DOCK4: variants seen among roughly 807,000 people sequenced by gnomAD.
DOCK4 encodes the protein dedicator of cytokinesis 4, also known as dedicator of cytokinesis protein 4.
Under a neutral mutation model 268.1 loss-of-function variants are expected in DOCK4, and 97 were observed. The observed-to-expected ratio is 0.36, with a 90% confidence interval of 0.31 to 0.43. The LOEUF is 0.43. Among genes scored for constraint, DOCK4 ranks in the 20% least tolerant of loss-of-function variants. The pLI is 1.00. For missense variants in DOCK4, 2,145 were observed against 2,455.7 expected, an observed-to-expected ratio of 0.87 and a Z score of 2.67; for synonymous variants, 954 against 887.2, an observed-to-expected ratio of 1.08 and a Z score of -1.34.
At chr7:112,006,248 A>G (rs1246542144) in intron 1 of DOCK4, among the ~76,000 whole-genome samples, 1 of 152,184 alleles carries the variant, frequency 6.6e-6, no homozygotes, top group African/African-American at 2.4e-5. Flanking sequence ...TGAGTGAACA[A>G]GGGTGTGGCT....
At chr7:111,909,818 G>A (rs2134478157) in intron 13 of DOCK4, among the ~76,000 whole-genome samples, 1 of 152,068 alleles carries the variant, frequency 6.6e-6, no homozygotes, top group Non-Finnish European at 1.5e-5. Context: ...AAAATTAGCT[G>A]GGTGTGGTGA....
chr7:111,781,899 C>G (rs1235919666), intron 35 of DOCK4, among the ~76,000 whole-genome samples: 1 of 152,052 alleles, frequency 6.6e-6, no homozygotes, highest in Non-Finnish European at 1.5e-5. Flanking sequence ...AAATAGAGAA[C>G]TATATGGCAT....
chr7:112,066,690 C>CATATATATATATAT (rs751631282), intron 1 of DOCK4, among the ~76,000 whole-genome samples: 9 of 20,958 alleles, frequency 4.3e-4, no homozygotes, highest in East Asian at 1.8e-3. Flanking sequence ...TATACATATA[C>CATATATATATATAT]ATATATATAT....
At position 111,844,798 on chromosome 7, in the gene DOCK4, T is replaced by C; in HGVS notation, c.2701A>G (p.Ser901Gly). ...LEITSRPQPS[S>G]SAMRFQFQDV... ...TGGAACTGGAACCGCATTGCTGAGC[T>C]GGATGGCTGAGGTCGGCTGGTGATC... The change falls in exon 25 of 53, where the codon AGC (serine) becomes GGC (glycine). Residue 901 changes from serine to glycine, a missense_variant. This residue lies in a region of DOCK4 where 1,598 missense variants were observed against 1,986.7 expected (regional missense o/e 0.80). Transcript: ENST00000428084. 3 of 1,613,750 alleles carry C rather than the reference T, an allele frequency of 1.9e-6. No homozygotes were observed. The highest frequency in any genetic ancestry group is 2.5e-6 in the Non-Finnish European group (3 of 1,179,762).
At chr7:112,061,488 A>G (rs1286021136) in intron 1 of DOCK4, among the ~76,000 whole-genome samples, 1 of 152,072 alleles carries the variant, frequency 6.6e-6, no homozygotes. Context: ...GCCTTCCTTC[A>G]CCGACCTTGG....
chr7:112,066,439 T>C (rs1806940725), intron 1 of DOCK4, among the ~76,000 whole-genome samples: 1 of 151,428 alleles, frequency 6.6e-6, no homozygotes, highest in Non-Finnish European at 1.5e-5. Context: ...GTCTTCATTA[T>C]TGCATAAGCC....
intron 49 of DOCK4, among the ~76,000 whole-genome samples, chr7:111,738,242 G>C (rs1455690366): frequency 6.6e-6 from 1 of 152,192 alleles, no homozygotes; most frequent in Non-Finnish European, 1.5e-5. Context: ...AGTTCAGGCA[G>C]GGGGTGAGGG....
intron 15 of DOCK4, among the ~76,000 whole-genome samples, chr7:111,899,928 C>T (rs1314375856): frequency 6.6e-6 from 1 of 152,056 alleles, no homozygotes; most frequent in East Asian, 1.9e-4. Flanking sequence ...TGCTTCGAAA[C>T]AAAACAAAAA....
At chr7:112,193,526 G>A (rs979704136) in intron 1 of DOCK4, among the ~76,000 whole-genome samples, 2 of 151,194 alleles carry the variant, frequency 1.3e-5, no homozygotes, top group African/African-American at 4.9e-5. Context: ...TTCAGCCTGA[G>A]AGATCAAGGC....
rs541761761 is a variant in DOCK4, at chr7:112,018,013, C to T, written c.38-13882G>A. 7.9e-5 allele frequency among the ~76,000 whole-genome samples: 12 copies of T among 151,558 alleles called. No individual in the cohort carries two copies. In the South Asian group the frequency reaches 2.3e-3, roughly 29 times the overall value. On this transcript the variant is annotated intron_variant, in intron 1 of 52. Coordinates refer to ENST00000428084, the MANE Select transcript of DOCK4 (RefSeq NM_001363540.2). ...CATCCTGGCTAACACGGTGAAACCC[C>T]GTCTCTACTAAAAAAAATACAAAAA...
rs180908692 is a variant in DOCK4 at position 111,942,588 on chromosome 7, C to T, written c.844+2223G>A. ...TTACATCTGTTCCCCTGGTCACCTGCTCTGTCCTGACTCATCCCGGTCACC... is the reference window on the plus strand; with the variant it reads ...TTACATCTGTTCCCCTGGTCACCTGTTCTGTCCTGACTCATCCCGGTCACC... On this transcript the variant is annotated intron_variant, in intron 10 of 52. Coordinates refer to ENST00000428084, the MANE Select transcript of DOCK4 (RefSeq NM_001363540.2). Among the ~76,000 whole-genome samples the T allele has an allele frequency of 3.3e-5, 5 of 152,292 alleles. No individual in the cohort carries two copies. In the East Asian group the frequency reaches 9.7e-4, roughly 29 times the overall value.
intron 1 of DOCK4, among the ~76,000 whole-genome samples, chr7:112,140,823 C>G (rs1814850630): frequency 6.6e-6 from 1 of 152,088 alleles, no homozygotes; most frequent in Non-Finnish European, 1.5e-5. Context: ...AACCACATGG[C>G]AGAGATGTTT....
intron 1 of DOCK4, among the ~76,000 whole-genome samples, chr7:112,087,110 C>CT (rs1202552087): frequency 6.6e-6 from 1 of 152,110 alleles, no homozygotes; most frequent in East Asian, 1.9e-4. Context: ...GAGCTATTTC[C>CT]TTTTTTAACA....
At chr7:112,150,315 T>C (rs1207032733) in intron 1 of DOCK4, among the ~76,000 whole-genome samples, 1 of 152,154 alleles carries the variant, frequency 6.6e-6, no homozygotes, top group Non-Finnish European at 1.5e-5. Context: ...AATTAGCCAA[T>C]GACTAGGTAA....
chr7:112,097,410 C>T (rs563266913), intron 1 of DOCK4, among the ~76,000 whole-genome samples: 17 of 151,760 alleles, frequency 1.1e-4, no homozygotes, highest in South Asian at 4.2e-4. Flanking sequence ...CTCATCTCTA[C>T]GTTTTTTTTT....
At chr7:111,878,976 G>A (rs1033950270) in intron 16 of DOCK4, among the ~76,000 whole-genome samples, 1 of 152,056 alleles carries the variant, frequency 6.6e-6, no homozygotes, top group African/African-American at 2.4e-5. Context: ...TGTGACCTAG[G>A]GAGACACCTG....
chr7:112,199,237 T>C (rs578000684), intron 1 of DOCK4, among the ~76,000 whole-genome samples: 2 of 152,336 alleles, frequency 1.3e-5, no homozygotes, highest in African/African-American at 4.8e-5. Context: ...TCCTCCTTCA[T>C]GAGGTATCAT....
intron 30 of DOCK4, chr7:111,807,786 T>A (rs1052835207): frequency 6.6e-6 from 1 of 152,136 alleles, no homozygotes; most frequent in Non-Finnish European, 1.5e-5. Context: ...TCATTATTTT[T>A]TTTTATTTTT....
chr7:111,990,906 T>G (rs1048923785), intron 5 of DOCK4, among the ~76,000 whole-genome samples: 1 of 152,212 alleles, frequency 6.6e-6, no homozygotes, highest in Non-Finnish European at 1.5e-5. Flanking sequence ...TGTTAATTTT[T>G]GTGGATCTCA....
Sources: gnomAD v4.1 joint callset for allele counts (sites outside exome capture counted in the v4.1 genomes callset) on GRCh38, gnomAD v4.1.1 for gene constraint, gnomAD v4.1.1 regional missense constraint, MANE v1.5 for transcripts, NCBI Gene and HGNC (gene_info 2026-07-23, HGNC 2026-07-21) for gene names.